Variants in PLAAT4 observed in about 807,000 individuals in gnomAD.
PLAAT4 encodes HRAS-like suppressor 4.
PLAAT4 carries 12 observed loss-of-function variants against 14.1 expected under a neutral mutation model. The ratio of observed to expected loss-of-function variants is 0.85; its 90% confidence interval spans 0.54 to 1.37. The LOEUF (loss-of-function observed/expected upper bound fraction) is 1.37, where lower values mean the gene tolerates loss of function less well. Ranked by LOEUF, PLAAT4 falls within the 40% of genes most tolerant of loss-of-function variation. The pLI is 0.00. For synonymous variants in PLAAT4, 77 were observed against 79.8 expected (o/e 0.96, Z 0.19); for missense variants, 163 against 211.7 (o/e 0.77, Z 1.43).
intron 1 of PLAAT4, among the ~76,000 whole-genome samples, chr11:63,539,084 G>A (rs1168839544): frequency 6.6e-6 from 1 of 152,194 alleles, no homozygotes; most frequent in African/African-American, 2.4e-5. Context: ...GGGCAGGAGT[G>A]ATGAGGAACT....
intron 3 of PLAAT4, 153 bp downstream of exon 3, chr11:63,545,042 C>T (rs1337897125): frequency 1.9e-6 from 2 of 1,064,900 alleles, no homozygotes; most frequent in Non-Finnish European, 2.8e-6. Context: ...GCCAGATCTG[C>T]TTCTAATCCA....
At chr11:63,541,385 T>G (rs545492815) in intron 2 of PLAAT4, among the ~76,000 whole-genome samples, 1 of 152,164 alleles carries the variant, frequency 6.6e-6, no homozygotes, top group African/African-American at 2.4e-5. Flanking sequence ...AGACATGGGG[T>G]TTCACCATGT....
chr11:63,538,106 G>C (rs970603379), intron 1 of PLAAT4, among the ~76,000 whole-genome samples: 7 of 152,114 alleles, frequency 4.6e-5, no homozygotes, highest in Admixed American at 3.3e-4. Flanking sequence ...GGGAGAACCA[G>C]ATGTGCAGAG....
At chr11:63,537,453 C>G (rs2017280012) in intron 1 of PLAAT4, among the ~76,000 whole-genome samples, 1 of 152,156 alleles carries the variant, frequency 6.6e-6, no homozygotes, top group Non-Finnish European at 1.5e-5. Context: ...TAAAAAGGAA[C>G]AGCGGGGCTC....
Position 63,544,997 on chromosome 11 carries a change from C to T in PLAAT4, c.387+108C>T, listed in dbSNP as rs142854076. 5.2e-5 allele frequency: 79 copies of T among 1,509,044 alleles called. 1 individual carries two copies. In the African/African-American group the frequency reaches 9.3e-4, roughly 18 times the overall value. 93.5% of individuals were successfully genotyped at this position (1,509,044 alleles called of 1,614,324 possible). A position where few individuals can be genotyped will look rare whatever the true frequency, so the allele number is the denominator to read the frequency against. On this transcript the variant is annotated intron_variant, in intron 3 of 3. Transcript: ENST00000255688. The stretch of plus-strand genomic sequence containing the variant: ...GATGCAAATGCAGCCTCTTAGAGAC[C>T]TGCTGGCTGAGAGTCAGGACCTCTG...
intron 1 of PLAAT4, chr11:63,538,532 A>G (rs73490145): frequency 0.023 from 5,450 of 241,904 alleles, 237 homozygotes; most frequent in African/African-American, 0.1. Context: ...AGCAGACCCC[A>G]GGTCTATGAT....
At chr11:63,537,646 G>C (rs1481968083) in intron 1 of PLAAT4, among the ~76,000 whole-genome samples, 1 of 152,202 alleles carries the variant, frequency 6.6e-6, no homozygotes, top group Non-Finnish European at 1.5e-5. Context: ...GAGGTTGCCA[G>C]TACCTTGACT....
chr11:63,539,452 C>T (rs142162448), intron 1 of PLAAT4, 64 bp from the exon 2 acceptor site: 1 of 1,380,182 alleles, frequency 7.2e-7, no homozygotes, highest in Non-Finnish European at 1.0e-6. Flanking sequence ...TGCAGCTCCC[C>T]CAGCCAGGGT....
chr11:63,542,928 A>G (rs1274857256), intron 2 of PLAAT4, among the ~76,000 whole-genome samples: 1 of 152,204 alleles, frequency 6.6e-6, no homozygotes, highest in Admixed American at 6.5e-5. Context: ...GAGAAAGCTT[A>G]TAGGGGAAAC....
chr11:63,543,786 G>T (rs1188956443), intron 2 of PLAAT4, among the ~76,000 whole-genome samples: 1 of 152,190 alleles, frequency 6.6e-6, no homozygotes, highest in African/African-American at 2.4e-5. Context: ...CAGCTCTTCT[G>T]TGTTCCTCTC....
At chr11:63,543,882 G>GC (rs943877465) in intron 2 of PLAAT4, among the ~76,000 whole-genome samples, 1 of 152,168 alleles carries the variant, frequency 6.6e-6, no homozygotes. Flanking sequence ...AGTGGAAGGA[G>GC]CCTGCCCTTT....
At chr11:63,543,324 G>A (rs1487846481) in intron 2 of PLAAT4, among the ~76,000 whole-genome samples, 1 of 152,194 alleles carries the variant, frequency 6.6e-6, no homozygotes, top group African/African-American at 2.4e-5. Context: ...ATTCTCATAG[G>A]AGTGCAAACC....
At chr11:63,545,209 G>A in intron 3 of PLAAT4, 1 of 574,362 alleles carries the variant, frequency 1.7e-6, no homozygotes, top group South Asian at 2.3e-5. Context: ...GCCAACCCAG[G>A]ACAATGACAG....
At chr11:63,538,161 A>T (rs578257655) in intron 1 of PLAAT4, among the ~76,000 whole-genome samples, 26 of 151,996 alleles carry the variant, frequency 1.7e-4, no homozygotes, top group Admixed American at 6.5e-4. Flanking sequence ...CTGGGATGTC[A>T]CTCAGTGGGC....
intron 2 of PLAAT4, among the ~76,000 whole-genome samples, 168 bp downstream of exon 2, chr11:63,539,792 T>C (rs1481918187): frequency 6.6e-6 from 1 of 152,038 alleles, no homozygotes; most frequent in African/African-American, 2.4e-5. Flanking sequence ...AGAAACCCCA[T>C]CTCTACTAAA....
At position 63,544,694 on chromosome 11, in the gene PLAAT4, C is replaced by A; in HGVS notation, c.192C>A (p.Arg64=). The stretch of plus-strand genomic sequence containing the variant: ...ACAGTGCAGAGGTGAAACGGGAGCG[C>A]CTGGAAGATGTGGTGGGAGGCTGTT... ...LSNSAEVKRE[R]LEDVVGGCCY... is the part of the protein sequence containing the mutation. The change falls in exon 3 of 4, where the codon CGC becomes CGA. Residue 64 remains arginine (R), a synonymous_variant. Transcript: ENST00000255688. The A allele has an allele frequency of 6.2e-7, 1 of 1,614,116 alleles. No individual in the cohort carries two copies. Among genetic ancestry groups the A allele is most frequent in the Non-Finnish European group, 8.5e-7 (1 of 1,180,030 alleles).
At chr11:63,538,538 A>G in intron 1 of PLAAT4, 1 of 230,424 alleles carries the variant, frequency 4.3e-6, no homozygotes, top group Non-Finnish European at 9.1e-6. Context: ...CCCCAGGTCT[A>G]TGATGGGACA....
chr11:63,542,265 C>G (rs1397728737), intron 2 of PLAAT4, among the ~76,000 whole-genome samples: 1 of 152,006 alleles, frequency 6.6e-6, no homozygotes, highest in Non-Finnish European at 1.5e-5. Flanking sequence ...TTTTCTTCCT[C>G]TAAATTAAGT....
intron 1 of PLAAT4, chr11:63,538,296 C>A: frequency 3.1e-6 from 1 of 326,126 alleles, no homozygotes; most frequent in Non-Finnish European, 6.1e-6. Flanking sequence ...CCAGATGTGC[C>A]CTTGGGAAGG....
Sources: allele counts gnomAD v4.1 joint callset (sites outside exome capture counted in the v4.1 genomes callset), GRCh38; gene constraint gnomAD v4.1.1; transcripts MANE v1.5; gene names NCBI Gene and HGNC (gene_info 2026-07-23, HGNC 2026-07-21).